The following IDE variants were observed in gnomAD, a reference collection of about 807,000 sequenced individuals.
IDE encodes insulin-degrading enzyme.
In IDE, 58 loss-of-function variants were observed where a neutral mutation model predicts 133.2. That is an observed-to-expected ratio of 0.44 (90% confidence interval 0.35 to 0.54). IDE has a LOEUF of 0.54. IDE is among the 20% of genes least tolerant of loss of function. The pLI is 0.00. For missense variants in IDE, 981 were observed against 1,234.0 expected (o/e 0.79, Z 3.07); for synonymous variants, 396 against 421.3 (o/e 0.94, Z 0.73).
intron 3 of IDE, 64 bp from the exon 4 acceptor site, chr10:92,531,981 A>T: frequency 2.5e-6 from 3 of 1,179,704 alleles, no homozygotes; most frequent in Non-Finnish European, 3.4e-6. Context: ...CCTTTTAGAA[A>T]GATTTTTGGA....
intron 14 of IDE, chr10:92,479,655 T>C (rs944969769): frequency 2.6e-6 from 1 of 388,424 alleles, no homozygotes; most frequent in Non-Finnish European, 4.7e-6. Context: ...GCGTGCGCAC[T>C]GGTAGTAGTG....
chr10:92,541,867 G>A (rs1842322678), intron 1 of IDE, among the ~76,000 whole-genome samples: 2 of 152,088 alleles, frequency 1.3e-5, no homozygotes, highest in Admixed American at 6.6e-5. Flanking sequence ...GCCATAATCT[G>A]CATTTTAACA....
At chr10:92,462,440 G>A (rs968652730) in intron 21 of IDE, among the ~76,000 whole-genome samples, 1 of 151,990 alleles carries the variant, frequency 6.6e-6, no homozygotes, top group Non-Finnish European at 1.5e-5. Flanking sequence ...GACCAACATG[G>A]AGAAACCCCA....
Position 92,531,912 on chromosome 10 carries a change from G to A in IDE, c.497C>T (p.Ala166Val). 6.5e-7 allele frequency: 1 copy of A among 1,542,508 alleles called. No homozygotes were observed. Among genetic ancestry groups the A allele is most frequent in the African/African-American group, 1.4e-5 (1 of 72,980 alleles). The change falls in exon 4 of 25, where the codon GCA becomes GTA. Residue 166 changes from alanine (A) to valine (V), a missense_variant. This residue lies in a region of IDE where 321 missense variants were observed against 339.3 expected (regional missense o/e 0.95). Transcript: ENST00000265986. ...GAACAAGGGGCACAGAAAAAACTGT[G>A]CAAACCTAAGGGTACGAAACATAAT... ...EHLEGALDRF[A>V]QFFLCPLFDE...
At chr10:92,497,626 G>T (rs779088674) in intron 11 of IDE, 45 of 468,262 alleles carry the variant, frequency 9.6e-5, no homozygotes, top group Non-Finnish European at 1.2e-4. Context: ...CTACCTGGTT[G>T]CAATGTTAAA....
intron 21 of IDE, among the ~76,000 whole-genome samples, 158 bp downstream of exon 21, chr10:92,463,573 T>C (rs1181139505): frequency 1.3e-5 from 2 of 152,100 alleles, no homozygotes; most frequent in Non-Finnish European, 2.9e-5. Flanking sequence ...TGGGGTTAAA[T>C]TAAGTAACAG....
chr10:92,494,875 G>A (rs1024356083), intron 11 of IDE, among the ~76,000 whole-genome samples: 11 of 152,106 alleles, frequency 7.2e-5, no homozygotes, highest in African/African-American at 2.7e-4. Context: ...TCCAAAGAAT[G>A]AGAAGAGGCT....
chr10:92,468,560 T>C (rs1276420351), intron 19 of IDE, among the ~76,000 whole-genome samples: 1 of 152,260 alleles, frequency 6.6e-6, no homozygotes. Flanking sequence ...GTTTCCATTT[T>C]TATAAATGTA....
intron 1 of IDE, among the ~76,000 whole-genome samples, chr10:92,566,712 C>A (rs1171655714): frequency 6.6e-6 from 1 of 151,060 alleles, no homozygotes; most frequent in Non-Finnish European, 1.5e-5. Context: ...TGACTATAAT[C>A]AATAATAATT....
intron 3 of IDE, among the ~76,000 whole-genome samples, chr10:92,532,948 T>A (rs1850023903): frequency 6.6e-6 from 1 of 152,206 alleles, no homozygotes; most frequent in Non-Finnish European, 1.5e-5. Context: ...CTATGCTAAG[T>A]ACTTTACATA....
intron 16 of IDE, among the ~76,000 whole-genome samples, chr10:92,475,276 G>A (rs559954012): frequency 1.8e-4 from 27 of 152,046 alleles, no homozygotes; most frequent in Non-Finnish European, 3.1e-4. Flanking sequence ...GAATCTTTAG[G>A]TTCTACGCTA....
intron 21 of IDE, among the ~76,000 whole-genome samples, chr10:92,461,513 G>A (rs1057198159): frequency 1.3e-5 from 2 of 151,564 alleles, no homozygotes; most frequent in East Asian, 2.0e-4. Flanking sequence ...AAGCCAACAC[G>A]TCTGGGTAAT....
chr10:92,501,889 T>C (rs1343756337), intron 11 of IDE, among the ~76,000 whole-genome samples: 1 of 150,658 alleles, frequency 6.6e-6, no homozygotes, highest in Non-Finnish European at 1.5e-5. Context: ...GTAAGAGAAT[T>C]GCTTGAACCT....
chr10:92,518,072 A>G (rs113613130), intron 4 of IDE, among the ~76,000 whole-genome samples: 149 of 145,472 alleles, frequency 1.0e-3, no homozygotes, highest in African/African-American at 3.2e-3. Context: ...CTCCTTAGGG[A>G]AAAAAAAAGG....
intron 11 of IDE, among the ~76,000 whole-genome samples, chr10:92,502,265 G>A (rs1417454956): frequency 6.6e-6 from 1 of 152,176 alleles, no homozygotes; most frequent in Admixed American, 6.5e-5. Flanking sequence ...CCTAATGTAT[G>A]ACTATAGTAT....
intron 15 of IDE, among the ~76,000 whole-genome samples, chr10:92,477,708 C>A (rs1049680397): frequency 6.6e-6 from 1 of 152,128 alleles, no homozygotes; most frequent in Non-Finnish European, 1.5e-5. Context: ...TAGCAGAAAA[C>A]CCATTTTGTC....
chr10:92,556,440 T>C (rs1332893278), intron 1 of IDE, among the ~76,000 whole-genome samples: 1 of 151,932 alleles, frequency 6.6e-6, no homozygotes, highest in Non-Finnish European at 1.5e-5. Context: ...CTAACCAACA[T>C]GGTGAAACCC....
chr10:92,487,023 T>C (rs1589406796), intron 13 of IDE, among the ~76,000 whole-genome samples, 173 bp downstream of exon 13: 1 of 152,348 alleles, frequency 6.6e-6, no homozygotes, highest in East Asian at 1.9e-4. Context: ...TGCTTTAATA[T>C]TTTTAACCTT....
intron 17 of IDE, among the ~76,000 whole-genome samples, chr10:92,473,133 G>A (rs963511816): frequency 6.8e-5 from 10 of 148,040 alleles, no homozygotes; most frequent in East Asian, 4.0e-4. Flanking sequence ...TAGTACAGAC[G>A]GGGATTCACC....
Sources: allele counts gnomAD v4.1 joint callset (sites outside exome capture counted in the v4.1 genomes callset), GRCh38; gene constraint gnomAD v4.1.1; regional missense constraint gnomAD v4.1.1; transcripts MANE v1.5; gene names NCBI Gene and HGNC (gene_info 2026-07-23, HGNC 2026-07-21).